Variants in NTM observed in about 807,000 individuals in gnomAD.
The protein encoded by NTM is neurotrimin.
NTM carries 13 observed loss-of-function variants against 42.1 expected under a neutral mutation model. The observed-to-expected ratio is 0.31, with a 90% confidence interval of 0.20 to 0.49. The LOEUF is 0.49. Among genes scored for constraint, NTM ranks in the 20% least tolerant of loss-of-function variants. The pLI, the probability that NTM is intolerant of heterozygous loss-of-function variation, is 0.99. For synonymous variants in NTM, 187 were observed against 179.2 expected (o/e 1.04, Z -0.35); for missense variants, 373 against 452.8 (o/e 0.82, Z 1.60).
At position 132,244,255 on chromosome 11, in the gene NTM, C is replaced by T. The variant is rs183794910; in HGVS notation, c.526+32108C>T. Among the ~76,000 whole-genome samples the T allele has an allele frequency of 8.7e-4, 133 of 152,322 alleles. 1 individual carries two copies. Among genetic ancestry groups the T allele is most frequent in the African/African-American group, 3.1e-3 (129 of 41,580 alleles). On this transcript the variant is annotated intron_variant, in intron 4 of 8. Transcript: ENST00000683400. ...CTGGCTGTGGCCACATATGTGTGCT[C>T]ATCCTGGAACTAGGTCTCAGGTAAT...
intron 4 of NTM, among the ~76,000 whole-genome samples, chr11:132,220,630 A>G (rs2084956019): frequency 6.6e-6 from 1 of 152,222 alleles, no homozygotes; most frequent in Non-Finnish European, 1.5e-5. Context: ...TTACCCAATT[A>G]TTTTAAAACC....
At chr11:132,005,763 T>C (rs1347180921) in intron 2 of NTM, among the ~76,000 whole-genome samples, 1 of 152,170 alleles carries the variant, frequency 6.6e-6, no homozygotes, top group East Asian at 1.9e-4. Context: ...TCCTCCCATT[T>C]TCTGTTTCAC....
chr11:132,309,392 C>A (rs1216460673), intron 5 of NTM, among the ~76,000 whole-genome samples: 3 of 152,142 alleles, frequency 2.0e-5, no homozygotes, highest in Non-Finnish European at 4.4e-5. Context: ...TTATTTCTTG[C>A]AACTGAGCTT....
chr11:131,575,548 G>T (rs1592099369), intron 1 of NTM, among the ~76,000 whole-genome samples: 1 of 152,142 alleles, frequency 6.6e-6, no homozygotes, highest in South Asian at 2.1e-4. Flanking sequence ...TGAAATTAGG[G>T]TGTTTTCTTG....
chr11:131,725,385 C>A (rs2078837554), intron 1 of NTM, among the ~76,000 whole-genome samples: 1 of 152,030 alleles, frequency 6.6e-6, no homozygotes, highest in Admixed American at 6.5e-5. Flanking sequence ...CAAATAAATT[C>A]TATGGAGAGA....
chr11:132,147,212 TGTGAGAGA>T (rs1278918949), intron 3 of NTM, among the ~76,000 whole-genome samples: 25 of 124,708 alleles, frequency 2.0e-4, no homozygotes, highest in African/African-American at 7.5e-4. Flanking sequence ...TGTGTGTGTG[TGTGAGAGA>T]GAGAGAGAGA....
At chr11:131,719,427 G>T (rs986281802) in intron 1 of NTM, among the ~76,000 whole-genome samples, 3 of 152,190 alleles carry the variant, frequency 2.0e-5, no homozygotes, top group African/African-American at 7.2e-5. Context: ...GGTGAAGATA[G>T]CGCTTCTAAA....
chr11:131,775,611 AC>A (rs1328777716), intron 1 of NTM, among the ~76,000 whole-genome samples: 1 of 152,224 alleles, frequency 6.6e-6, no homozygotes, highest in Non-Finnish European at 1.5e-5. Flanking sequence ...TCTTCTGGAT[AC>A]TAGTTTTGAT....
In NTM at chr11:131,581,508, G is replaced by A. The variant is rs76334442; in HGVS notation, c.82+210620G>A. Among the ~76,000 whole-genome samples, 5 of 152,068 alleles carry A rather than the reference G, an allele frequency of 3.3e-5. No homozygotes were observed. The East Asian group carries it at 7.7e-4, about 23-fold the overall frequency. On this transcript the variant is annotated intron_variant, in intron 1 of 8. Coordinates refer to ENST00000683400, the MANE Select transcript of NTM (RefSeq NM_001352005.2). ...ATGAGCTGAGGGTGTTGGCTTTATA[G>A]GCAAAAAAGGGCTGAGGAAAGCAGA...
chr11:132,203,694 A>G (rs2081503241), intron 3 of NTM, among the ~76,000 whole-genome samples: 1 of 152,112 alleles, frequency 6.6e-6, no homozygotes, highest in Non-Finnish European at 1.5e-5. Context: ...GATCGAGACC[A>G]TCCTGGCTAA....
intron 1 of NTM, among the ~76,000 whole-genome samples, chr11:131,830,660 T>A (rs905456990): frequency 6.6e-6 from 1 of 152,210 alleles, no homozygotes; most frequent in African/African-American, 2.4e-5. Context: ...GGGCTCTTTT[T>A]TGGTTCCATG....
intron 1 of NTM, among the ~76,000 whole-genome samples, chr11:131,698,572 T>G (rs992109647): frequency 6.6e-6 from 1 of 151,948 alleles, no homozygotes; most frequent in Non-Finnish European, 1.5e-5. Context: ...ACATTTCCCA[T>G]TGGAAAAAAA....
chr11:131,814,980 T>C (rs886940360), intron 1 of NTM, among the ~76,000 whole-genome samples: 2 of 151,848 alleles, frequency 1.3e-5, no homozygotes, highest in Non-Finnish European at 2.9e-5. Flanking sequence ...CTGCGGGCCA[T>C]GGATTTTGAT....
intron 1 of NTM, among the ~76,000 whole-genome samples, chr11:131,658,703 C>T (rs2067542925): frequency 6.6e-6 from 1 of 152,186 alleles, no homozygotes; most frequent in Non-Finnish European, 1.5e-5. Flanking sequence ...GACGCGGTGG[C>T]TCACGCCTGT....
intron 1 of NTM, among the ~76,000 whole-genome samples, chr11:131,555,846 T>G (rs564667297): frequency 6.6e-6 from 1 of 152,134 alleles, no homozygotes; most frequent in Admixed American, 6.5e-5. Context: ...CCTAGGGAAC[T>G]GACTGAGTAG....
At chr11:131,745,734 T>A (rs2081744511) in intron 1 of NTM, among the ~76,000 whole-genome samples, 1 of 151,938 alleles carries the variant, frequency 6.6e-6, no homozygotes, top group African/African-American at 2.4e-5. Flanking sequence ...GAAAAAAAAA[T>A]GAGACAAATG....
chr11:132,304,349 G>A (rs929819004), intron 4 of NTM, among the ~76,000 whole-genome samples: 1 of 151,582 alleles, frequency 6.6e-6, no homozygotes, highest in East Asian at 1.9e-4. Context: ...CAAGTGGTTT[G>A]CCTCTTCCCC....
At chr11:131,774,782 G>A (rs1260100774) in intron 1 of NTM, among the ~76,000 whole-genome samples, 2 of 152,192 alleles carry the variant, frequency 1.3e-5, no homozygotes, top group African/African-American at 4.8e-5. Context: ...TTAACACTCT[G>A]AGTGCTGCTG....
At chr11:131,499,070 A>G (rs1410060901) in intron 1 of NTM, among the ~76,000 whole-genome samples, 1 of 152,144 alleles carries the variant, frequency 6.6e-6, no homozygotes, top group Non-Finnish European at 1.5e-5. Flanking sequence ...CGCGTTAAAC[A>G]ATAAAGCACA....
Sources: gnomAD v4.1 joint callset for allele counts (sites outside exome capture counted in the v4.1 genomes callset) on GRCh38, gnomAD v4.1.1 for gene constraint, MANE v1.5 for transcripts, NCBI Gene and HGNC (gene_info 2026-07-23, HGNC 2026-07-21) for gene names.